Variants in RIC1 observed in about 807,000 individuals in gnomAD.
RIC1 encodes guanine nucleotide exchange factor subunit RIC1.
A neutral mutation model predicts 169.0 loss-of-function variants in RIC1; 88 were observed. The ratio of observed to expected loss-of-function variants is 0.52; its 90% CI spans 0.44 to 0.62. RIC1 has a LOEUF of 0.62. Among genes scored for constraint, RIC1 ranks in the 20% least tolerant of loss-of-function variants. RIC1 has a pLI of 0.00. For missense variants in RIC1, 1,877 were observed against 1,725.5 expected, an observed-to-expected ratio of 1.09 and a Z score of -1.56; for synonymous variants, 790 against 601.5, an observed-to-expected ratio of 1.31 and a Z score of -4.59.
chr9:5,746,469 A>C (rs1437957443), intron 11 of RIC1, among the ~76,000 whole-genome samples: 1 of 152,170 alleles, frequency 6.6e-6, no homozygotes, highest in Non-Finnish European at 1.5e-5. Context: ...ATAAGTGTCA[A>C]ATAAAGGTAA....
At chr9:5,694,878 CATCT>C (rs1297664482) in intron 3 of RIC1, among the ~76,000 whole-genome samples, 7 of 151,636 alleles carry the variant, frequency 4.6e-5, no homozygotes, top group Non-Finnish European at 7.4e-5. Context: ...TATTTTCATC[CATCT>C]GTCTATCCAT....
intron 16 of RIC1, among the ~76,000 whole-genome samples, chr9:5,756,859 T>C (rs1180166586): frequency 1.3e-5 from 2 of 152,240 alleles, no homozygotes; most frequent in Non-Finnish European, 2.9e-5. Flanking sequence ...TCTTGGCATC[T>C]GGTCTACTTG....
chr9:5,762,630 G>C lies in RIC1; in HGVS notation c.2082G>C (p.Lys694Asn). ...RDRSGPQIREKDSNPNNQRKL... is the reference protein window; with the variant it reads ...RDRSGPQIRENDSNPNNQRKL... ...GGTCAGGCCCACAGATCCGGGAGAA[G>C]GACAGTAACCCTAATAACCAAAGGA... The change falls in exon 18 of 26, where the codon AAG becomes AAC. Residue 694 changes from lysine (K) to asparagine (N), a missense_variant. Lys to Asn is a moderately conservative substitution (Grantham distance 94). Transcript: ENST00000414202. The C allele has an allele frequency of 1.2e-6, 2 of 1,613,840 alleles. No homozygotes were observed. The highest frequency in any genetic ancestry group is 2.2e-5 in the South Asian group (2 of 91,058).
chr9:5,727,322 A>G lies in RIC1; in HGVS notation c.721-5066A>G, dbSNP rs180906409. On this transcript the variant is annotated intron_variant, in intron 6 of 25. Transcript: ENST00000414202. ...CATTCATTTGATCTTCAATCATTCG[A>G]TCAAATCGGCTACTGAAGCTTGTGC... Among the ~76,000 whole-genome samples, 38 of 151,042 alleles carry G rather than the reference A, an allele frequency of 2.5e-4. No individual in the cohort carries two copies. The East Asian group carries it at 6.6e-3, about 26-fold the overall frequency.
intron 12 of RIC1, among the ~76,000 whole-genome samples, chr9:5,747,920 TGAG>T (rs1345273311): frequency 6.6e-6 from 1 of 152,134 alleles, no homozygotes; most frequent in East Asian, 1.9e-4. Flanking sequence ...GGGGCCACGT[TGAG>T]GTTAATCATG....
At chr9:5,696,403 T>C (rs1315728878) in intron 3 of RIC1, among the ~76,000 whole-genome samples, 1 of 152,172 alleles carries the variant, frequency 6.6e-6, no homozygotes, top group Non-Finnish European at 1.5e-5. Flanking sequence ...ATGACTCCCC[T>C]GCTATCTTTT....
At chr9:5,669,869 A>C (rs1819989086) in intron 2 of RIC1, among the ~76,000 whole-genome samples, 1 of 152,168 alleles carries the variant, frequency 6.6e-6, no homozygotes, top group African/African-American at 2.4e-5. Flanking sequence ...CTGAAGACAG[A>C]CCAGGGTGAT....
At chr9:5,761,942 A>G (rs1314104869) in intron 17 of RIC1, among the ~76,000 whole-genome samples, 1 of 152,190 alleles carries the variant, frequency 6.6e-6, no homozygotes, top group African/African-American at 2.4e-5. Context: ...TCAGTAACCT[A>G]TCCTGATTAA....
In RIC1 at chr9:5,763,158, G is replaced by C; in HGVS notation, c.2131G>C (p.Val711Leu). The C allele has an allele frequency of 6.2e-7, 1 of 1,613,996 alleles. No homozygotes were observed. The highest frequency in any genetic ancestry group is 8.5e-7 in the Non-Finnish European group (1 of 1,179,906). Residue 711 changes from valine (V) to leucine (L), a missense_variant, in exon 19 of 26, where the codon GTT becomes CTT. Transcript: ENST00000414202. This position sits in a 1 kb window ranked among gnomAD's most constrained non-coding sequence, Gnocchi z 5.2. ...QRKLLPFCPP[V>L]VLAQSVENVW... ...TCTCCAGCTGCCATTCTGTCCTCCT[G>C]TTGTACTAGCCCAGTCTGTTGAAAA...
chr9:5,722,348 A>AGAGAGTGTGTGT (rs374028302), intron 6 of RIC1, among the ~76,000 whole-genome samples: 5 of 131,336 alleles, frequency 3.8e-5, no homozygotes, highest in African/African-American at 8.6e-5. Context: ...AGAGAGAGAG[A>AGAGAGTGTGTGT]GTGTGTGTGT....
At chr9:5,661,712 C>A (rs1370887251) in intron 2 of RIC1, among the ~76,000 whole-genome samples, 1 of 152,198 alleles carries the variant, frequency 6.6e-6, no homozygotes, top group African/African-American at 2.4e-5. Flanking sequence ...AGTTGCTTAT[C>A]AGCTTACAAA....
Position 5,738,472 on chromosome 9 carries a change from A to G in RIC1, c.835A>G (p.Ile279Val). Residue 279 changes from isoleucine to valine, a missense_variant, in exon 8 of 26, where the codon ATA (isoleucine) becomes GTA (valine). Physicochemically the swap from Ile to Val is conservative, Grantham distance 29. This residue lies in a region of RIC1 where 1,104 missense variants were observed against 992.0 expected (regional missense o/e 1.11). Coordinates refer to ENST00000414202, the MANE Select transcript of RIC1 (RefSeq NM_020829.4). The stretch of plus-strand genomic sequence containing the variant: ...CAGTGGTTCTGTGCAGGTCTATACA[A>G]TAGATAACAGCACTGGAGCCATGCT... The part of the protein sequence containing the change: ...CVSGSVQVYT[I>V]DNSTGAMLLS... The G allele has an allele frequency of 6.2e-7, 1 of 1,607,048 alleles. No homozygotes were observed. Among genetic ancestry groups the G allele is most frequent in the Admixed American group, 1.7e-5 (1 of 59,114 alleles).
intron 12 of RIC1, among the ~76,000 whole-genome samples, chr9:5,752,286 A>G (rs959797089): frequency 6.6e-6 from 1 of 152,108 alleles, no homozygotes; most frequent in African/African-American, 2.4e-5. Context: ...TAAGTCAAAT[A>G]CCCCAATAGA....
intron 8 of RIC1, among the ~76,000 whole-genome samples, chr9:5,739,595 C>T (rs1007762841): frequency 1.3e-5 from 2 of 152,154 alleles, no homozygotes; most frequent in African/African-American, 4.8e-5. Flanking sequence ...GGGAGTGGCT[C>T]CTGAGGAGAA....
chr9:5,688,776 A>G (rs1821411274), intron 2 of RIC1, among the ~76,000 whole-genome samples: 1 of 152,290 alleles, frequency 6.6e-6, no homozygotes, highest in Non-Finnish European at 1.5e-5. Context: ...GAAACCTTGG[A>G]TAATTTCTTG....
intron 1 of RIC1, among the ~76,000 whole-genome samples, chr9:5,656,313 A>G (rs1473750105): frequency 3.3e-5 from 5 of 152,118 alleles, no homozygotes; most frequent in Admixed American, 1.3e-4. Flanking sequence ...CGTTTGGTAG[A>G]CTTCACCTAT....
intron 3 of RIC1, among the ~76,000 whole-genome samples, chr9:5,694,786 T>G (rs1821790898): frequency 9.0e-6 from 1 of 111,392 alleles, no homozygotes; most frequent in South Asian, 3.5e-4. Flanking sequence ...GCAGTTTTGG[T>G]TTTTGGTGGC....
chr9:5,674,425 A>G (rs1428018426), intron 2 of RIC1, among the ~76,000 whole-genome samples: 1 of 152,206 alleles, frequency 6.6e-6, no homozygotes, highest in East Asian at 1.9e-4. Context: ...CCAGATTACT[A>G]TGACTAATAT....
At chr9:5,681,614 A>T (rs1820844738) in intron 2 of RIC1, among the ~76,000 whole-genome samples, 1 of 152,184 alleles carries the variant, frequency 6.6e-6, no homozygotes, top group Admixed American at 6.5e-5. Context: ...AAGAATGTAT[A>T]TTCTGTTGAT....
Sources: allele counts gnomAD v4.1 joint callset (sites outside exome capture counted in the v4.1 genomes callset), GRCh38; gene constraint gnomAD v4.1.1; regional missense constraint gnomAD v4.1.1; non-coding constraint Gnocchi (gnomAD v3.1); transcripts MANE v1.5; gene names NCBI Gene and HGNC (gene_info 2026-07-23, HGNC 2026-07-21).